The following RCAN2 variants were observed in gnomAD, a reference collection of about 807,000 sequenced individuals.
RCAN2 encodes calcipressin-2.
A neutral mutation model predicts 23.6 loss-of-function variants in RCAN2; 9 were observed. The ratio of observed to expected loss-of-function variants is 0.38; its 90% CI spans 0.23 to 0.67. RCAN2 has a LOEUF of 0.67. RCAN2 is among the 30% of genes least tolerant of loss of function. The pLI, the probability that RCAN2 is intolerant of heterozygous loss-of-function variation, is 0.51. For missense variants in RCAN2, 273 were observed against 302.3 expected, an observed-to-expected ratio of 0.90 and a Z score of 0.72; for synonymous variants, 109 against 115.7, an observed-to-expected ratio of 0.94 and a Z score of 0.37.
At chr6:46,313,776 G>A (rs770573172) in intron 2 of RCAN2, among the ~76,000 whole-genome samples, 1 of 152,310 alleles carries the variant, frequency 6.6e-6, no homozygotes, top group Admixed American at 6.5e-5. Context: ...ACATCAAAGA[G>A]GTGTTATGAG....
intron 2 of RCAN2, among the ~76,000 whole-genome samples, chr6:46,376,007 T>C (rs2150391239): frequency 6.6e-6 from 1 of 152,332 alleles, no homozygotes; most frequent in East Asian, 1.9e-4. Flanking sequence ...CTGAGTTCCT[T>C]TCCATTCTTC....
intron 2 of RCAN2, among the ~76,000 whole-genome samples, chr6:46,395,384 C>A (rs1438026901): frequency 6.6e-6 from 1 of 152,136 alleles, no homozygotes; most frequent in East Asian, 1.9e-4. Flanking sequence ...TCCTAAGAAC[C>A]AAATGAAGAA....
chr6:46,230,659 T>C (rs1291759223), intron 4 of RCAN2, among the ~76,000 whole-genome samples: 4 of 152,158 alleles, frequency 2.6e-5, no homozygotes, highest in African/African-American at 9.7e-5. Flanking sequence ...GACCCGACTT[T>C]CCAGGTACCA....
intron 2 of RCAN2, among the ~76,000 whole-genome samples, chr6:46,385,279 T>G (rs1765711141): frequency 6.6e-6 from 1 of 152,098 alleles, no homozygotes; most frequent in Admixed American, 6.5e-5. Flanking sequence ...AAACAGAGAA[T>G]TAGCAGCATT....
At chr6:46,275,993 G>C (rs994968272) in intron 2 of RCAN2, among the ~76,000 whole-genome samples, 2 of 152,152 alleles carry the variant, frequency 1.3e-5, no homozygotes, top group African/African-American at 4.8e-5. Flanking sequence ...GGATCACGAT[G>C]TCAGGAGTTC....
intron 2 of RCAN2, among the ~76,000 whole-genome samples, chr6:46,352,527 A>G (rs1764693416): frequency 6.6e-6 from 1 of 152,182 alleles, no homozygotes; most frequent in Non-Finnish European, 1.5e-5. Flanking sequence ...AGGTTCCATC[A>G]CAGTCACTTC....
intron 2 of RCAN2, among the ~76,000 whole-genome samples, chr6:46,336,274 A>G (rs1764139693): frequency 6.6e-6 from 1 of 152,230 alleles, no homozygotes; most frequent in Non-Finnish European, 1.5e-5. Flanking sequence ...GTGACATTGT[A>G]GAAATATAAG....
intron 2 of RCAN2, among the ~76,000 whole-genome samples, chr6:46,334,006 C>CA (rs1489539482): frequency 1.3e-5 from 2 of 152,214 alleles, no homozygotes; most frequent in Non-Finnish European, 2.9e-5. Flanking sequence ...CCATCACATG[C>CA]AAAAACACAT....
intron 2 of RCAN2, among the ~76,000 whole-genome samples, chr6:46,385,934 C>G (rs1002048957): frequency 3.3e-5 from 5 of 150,194 alleles, no homozygotes; most frequent in Admixed American, 6.6e-5. Context: ...GAAAACCTAG[C>G]CAATACCATT....
chr6:46,352,515 C>T lies in RCAN2; in HGVS notation c.226-103619G>A, dbSNP rs151319922. Among the ~76,000 whole-genome samples, 291 of 152,252 alleles carry T rather than the reference C, an allele frequency of 1.9e-3. 1 individual carries two copies. The highest frequency in any genetic ancestry group is 6.6e-3 in the African/African-American group (274 of 41,522). ...GGCCTCTCCCCTTGGCTGATGTACA[C>T]GAGGTTCCATCACAGTCACTTCCAG... On this transcript the variant is annotated intron_variant, in intron 2 of 4. Coordinates refer to ENST00000371374, the MANE Select transcript of RCAN2 (RefSeq NM_001251974.2).
intron 4 of RCAN2, among the ~76,000 whole-genome samples, chr6:46,241,887 C>A (rs1766318453): frequency 6.6e-6 from 1 of 152,162 alleles, no homozygotes; most frequent in African/African-American, 2.4e-5. Flanking sequence ...AGTAATTTAT[C>A]TTCATCCCCA....
intron 2 of RCAN2, among the ~76,000 whole-genome samples, chr6:46,397,495 A>G (rs1766128485): frequency 6.6e-6 from 1 of 152,126 alleles, no homozygotes. Flanking sequence ...TGGTTTTAAT[A>G]ATGTACTATA....
intron 2 of RCAN2, among the ~76,000 whole-genome samples, chr6:46,295,287 C>G (rs984994989): frequency 9.2e-5 from 14 of 152,044 alleles, no homozygotes; most frequent in African/African-American, 3.4e-4. Context: ...GGGCCTGAGA[C>G]AGAGACAGAA....
chr6:46,416,360 G>A (rs1379861050), intron 2 of RCAN2, among the ~76,000 whole-genome samples: 8 of 147,870 alleles, frequency 5.4e-5, no homozygotes, highest in Non-Finnish European at 1.0e-4. Context: ...AGGGTCAAAA[G>A]TGGAAGGATC....
At chr6:46,288,275 CA>C (rs1479918476) in intron 2 of RCAN2, among the ~76,000 whole-genome samples, 3 of 152,212 alleles carry the variant, frequency 2.0e-5, no homozygotes, top group Non-Finnish European at 4.4e-5. Context: ...GTAACCATAG[CA>C]GTAACTTTTG....
intron 1 of RCAN2, among the ~76,000 whole-genome samples, chr6:46,466,832 T>C (rs781096142): frequency 1.3e-5 from 2 of 152,162 alleles, no homozygotes; most frequent in Non-Finnish European, 2.9e-5. Flanking sequence ...CGACAATCAT[T>C]GAGTGCTTAC....
chr6:46,338,562 A>G (rs536330663), intron 2 of RCAN2, among the ~76,000 whole-genome samples: 1 of 152,310 alleles, frequency 6.6e-6, no homozygotes, highest in Non-Finnish European at 1.5e-5. Flanking sequence ...TAGAATGCTG[A>G]GCAACTCAAA....
intron 2 of RCAN2, among the ~76,000 whole-genome samples, chr6:46,296,419 T>C (rs1762731983): frequency 6.6e-6 from 1 of 152,116 alleles, no homozygotes; most frequent in Admixed American, 6.6e-5. Flanking sequence ...GACTTAATTA[T>C]GTTAGCAGAG....
chr6:46,452,897 C>G (rs1338132988), intron 2 of RCAN2, among the ~76,000 whole-genome samples: 1 of 152,120 alleles, frequency 6.6e-6, no homozygotes, highest in Non-Finnish European at 1.5e-5. Flanking sequence ...GTAACAAAAC[C>G]TGCACGTTCT....
Sources: gnomAD v4.1 joint callset for allele counts (sites outside exome capture counted in the v4.1 genomes callset) on GRCh38, gnomAD v4.1.1 for gene constraint, MANE v1.5 for transcripts, NCBI Gene and HGNC (gene_info 2026-07-23, HGNC 2026-07-21) for gene names.